Variants in ACOXL observed in about 807,000 individuals in gnomAD.
The protein encoded by ACOXL is acyl-coenzyme A oxidase-like protein.
A neutral mutation model predicts 71.9 loss-of-function variants in ACOXL; 70 were observed. The ratio of observed to expected loss-of-function variants is 0.97; its 90% CI spans 0.80 to 1.19. The LOEUF (loss-of-function observed/expected upper bound fraction) is 1.19. Among genes scored for constraint, ACOXL ranks in the 50% most tolerant of loss-of-function variants. ACOXL has a pLI of 0.00. For synonymous variants in ACOXL, 253 were observed against 281.6 expected, an observed-to-expected ratio of 0.90 and a Z score of 1.02; for missense variants, 703 against 736.3, an observed-to-expected ratio of 0.95 and a Z score of 0.52.
At chr2:110,945,431 A>G (rs1025009093) in intron 12 of ACOXL, among the ~76,000 whole-genome samples, 3 of 151,608 alleles carry the variant, frequency 2.0e-5, no homozygotes, top group Non-Finnish European at 4.4e-5. Flanking sequence ...GCCTATGTCC[A>G]GAATGGCATT....
At chr2:110,835,481 C>T (rs949185686) in intron 9 of ACOXL, among the ~76,000 whole-genome samples, 3 of 152,168 alleles carry the variant, frequency 2.0e-5, no homozygotes, top group Non-Finnish European at 4.4e-5. Context: ...TGGCTGCATC[C>T]TTGCTTGTCA....
intron 15 of ACOXL, among the ~76,000 whole-genome samples, chr2:111,042,768 C>G (rs2065843845): frequency 6.6e-6 from 1 of 152,212 alleles, no homozygotes; most frequent in Admixed American, 6.5e-5. Context: ...CACACCAGGA[C>G]TCCCTGGAGG....
chr2:111,057,985 G>T (rs1301457486), intron 16 of ACOXL, among the ~76,000 whole-genome samples: 1 of 152,224 alleles, frequency 6.6e-6, no homozygotes, highest in Non-Finnish European at 1.5e-5. Context: ...CACGGCTTGC[G>T]GGTGGGGTGT....
chr2:110,899,548 A>G (rs1434759044), intron 10 of ACOXL, among the ~76,000 whole-genome samples: 1 of 152,200 alleles, frequency 6.6e-6, no homozygotes. Flanking sequence ...TTTATGGCCA[A>G]GGTGCTGGGG....
At chr2:110,744,616 T>G (rs1453713902) in intron 1 of ACOXL, among the ~76,000 whole-genome samples, 1 of 152,152 alleles carries the variant, frequency 6.6e-6, no homozygotes, top group Non-Finnish European at 1.5e-5. Context: ...TTCACACTCC[T>G]CCCACACTTT....
intron 15 of ACOXL, among the ~76,000 whole-genome samples, chr2:111,043,862 G>T (rs1276517312): frequency 2.0e-5 from 3 of 152,274 alleles, no homozygotes; most frequent in South Asian, 2.1e-4. Flanking sequence ...TTCACTGTAG[G>T]TATCTGAGAT....
rs139629403 is a variant in ACOXL at position 111,102,690 on chromosome 2, A to G, written c.1542+9724A>G. On this transcript the variant is annotated intron_variant, in intron 17 of 17. Coordinates refer to ENST00000439055, the MANE Select transcript of ACOXL (RefSeq NM_001142807.4). ...AGGAGATGAGACTCATCTGAGTCCA[A>G]TCAGACTCCAGTAATGCAGTTAAGG... 8.5e-4 allele frequency among the ~76,000 whole-genome samples: 130 copies of G among 152,272 alleles called. 3 individuals carry two copies. In the East Asian group the frequency reaches 0.016, roughly 19 times the overall value.
chr2:110,801,604 GA>G, intron 7 of ACOXL, 47 bp from the exon 8 acceptor site: 1 of 1,547,144 alleles, frequency 6.5e-7, no homozygotes, highest in Non-Finnish European at 8.9e-7. Flanking sequence ...AAGTAGCAGG[GA>G]AAATACTTCT....
At position 110,817,536 on chromosome 2, in the gene ACOXL, C is replaced by T. The variant is rs553236010; in HGVS notation, c.753+12141C>T. Among the ~76,000 whole-genome samples the T allele has an allele frequency of 6.1e-4, 93 of 152,344 alleles. 2 individuals are homozygous for T. The South Asian group carries it at 0.019, about 31-fold the overall frequency. ...TCAGTTTCTTGAAACTTCTGTGCTT[C>T]TTGCTTGGGTAACTGTGCTTCCTCT... On this transcript the variant is annotated intron_variant, in intron 9 of 17. Transcript: ENST00000439055.
intron 17 of ACOXL, chr2:111,100,488 G>A (rs1558968936): frequency 6.6e-6 from 1 of 152,654 alleles, no homozygotes; most frequent in Non-Finnish European, 1.5e-5. Context: ...CCATGTCCAA[G>A]AAATCTGGAC....
intron 2 of ACOXL, 47 bp downstream of exon 2, chr2:110,768,511 TGTGAGAGAGA>T (rs746811158): frequency 1.4e-6 from 2 of 1,402,938 alleles, no homozygotes; most frequent in African/African-American, 3.2e-5. Context: ...TGTGTGTGTG[TGTGAGAGAGA>T]GAGAGAGAGA....
intron 11 of ACOXL, among the ~76,000 whole-genome samples, chr2:110,923,296 C>G (rs1214198304): frequency 2.0e-5 from 3 of 152,118 alleles, no homozygotes; most frequent in African/African-American, 7.2e-5. Flanking sequence ...ACTACTTCCC[C>G]CCAACACACA....
chr2:110,943,091 G>A (rs372534386), intron 12 of ACOXL, among the ~76,000 whole-genome samples: 296 of 129,372 alleles, frequency 2.3e-3, no homozygotes, highest in Non-Finnish European at 3.8e-3. Flanking sequence ...AAGAGAGGGA[G>A]GGAGGAAGGA....
intron 15 of ACOXL, among the ~76,000 whole-genome samples, chr2:111,035,555 C>G (rs944777497): frequency 6.6e-6 from 1 of 152,152 alleles, no homozygotes; most frequent in Non-Finnish European, 1.5e-5. Context: ...TTCTCATTCT[C>G]GAAGCTTGTG....
intron 10 of ACOXL, among the ~76,000 whole-genome samples, chr2:110,883,018 A>G (rs984063723): frequency 6.6e-6 from 1 of 151,640 alleles, no homozygotes; most frequent in African/African-American, 2.4e-5. Context: ...CTTTTCCACA[A>G]CAACTTTGTG....
At chr2:110,918,337 G>C (rs1358773750) in intron 11 of ACOXL, among the ~76,000 whole-genome samples, 3 of 152,152 alleles carry the variant, frequency 2.0e-5, no homozygotes, top group Non-Finnish European at 4.4e-5. Flanking sequence ...AAATGGTGTT[G>C]GGAAAAGTGG....
At chr2:111,033,807 C>T (rs947647853) in intron 15 of ACOXL, among the ~76,000 whole-genome samples, 8 of 152,130 alleles carry the variant, frequency 5.3e-5, no homozygotes, top group Non-Finnish European at 5.9e-5. Context: ...GGTGGTGTGG[C>T]CCTGGCTCCT....
rs1448065290 is a variant in ACOXL at position 110,887,799 on chromosome 2, A to AGTTT, written c.789-20988_789-20985dup. The AGTTT allele has an allele frequency of 2.0e-5, 3 of 152,106 alleles. No homozygotes were observed. The East Asian group carries it at 5.8e-4, about 29-fold the overall frequency. The allele number at this position is 152,106 out of a possible 1,614,324, so 9.4% of individuals were successfully genotyped here. ...ACCCTAAAGTGTGTGTTGCCTTTCT[A>AGTTT]GTTTGAGTAGAAAGTCCAGCATTAT... On this transcript the variant is annotated intron_variant, in intron 10 of 17. Transcript: ENST00000439055.
At chr2:110,989,339 C>T (rs893519010) in intron 13 of ACOXL, among the ~76,000 whole-genome samples, 3 of 152,076 alleles carry the variant, frequency 2.0e-5, no homozygotes, top group African/African-American at 4.8e-5. Flanking sequence ...TTCCTAGTCT[C>T]TTTGTGTATT....
Sources: gnomAD v4.1 joint callset for allele counts (sites outside exome capture counted in the v4.1 genomes callset) on GRCh38, gnomAD v4.1.1 for gene constraint, MANE v1.5 for transcripts, NCBI Gene and HGNC (gene_info 2026-07-23, HGNC 2026-07-21) for gene names.